KSR2: variants seen among roughly 807,000 people sequenced by gnomAD.
KSR2 encodes the protein kinase suppressor of ras 2.
KSR2 carries 25 observed loss-of-function variants against 107.8 expected under a neutral mutation model. The observed-to-expected ratio is 0.23, with a 90% CI of 0.17 to 0.32. The LOEUF (loss-of-function observed/expected upper bound fraction) is 0.32, where lower values mean the gene tolerates loss of function less well. Among genes scored for constraint, KSR2 ranks in the 10% least tolerant of loss-of-function variants. KSR2 has a pLI of 1.00. For missense variants in KSR2, 887 were observed against 1,268.9 expected (o/e 0.70, Z 4.57); for synonymous variants, 480 against 507.0 (o/e 0.95, Z 0.71).
chr12:117,540,493 A>T (rs1185551133), intron 9 of KSR2, among the ~76,000 whole-genome samples: 2 of 152,344 alleles, frequency 1.3e-5, no homozygotes, highest in African/African-American at 2.4e-5. Flanking sequence ...GGACCTCTGA[A>T]TCTGATCATA....
chr12:117,648,616 G>A (rs10774948), intron 5 of KSR2, among the ~76,000 whole-genome samples: 60,841 of 152,058 alleles, frequency 0.4, 15,029 homozygotes, highest in African/African-American at 0.7. Context: ...ATTTCCTACA[G>A]TCTTCACCAT....
At chr12:117,763,105 T>C (rs1410153421) in intron 3 of KSR2, among the ~76,000 whole-genome samples, 1 of 151,940 alleles carries the variant, frequency 6.6e-6, no homozygotes, top group African/African-American at 2.4e-5. Flanking sequence ...GTGTTCTCAT[T>C]GTTCAATTCC....
In KSR2 at chr12:117,912,344, G is replaced by A. The variant is rs138160793; in HGVS notation, c.181-51913C>T. Among the ~76,000 whole-genome samples the A allele has an allele frequency of 6.9e-3, 1,053 of 152,236 alleles. 10 individuals carry two copies. The highest frequency in any genetic ancestry group is 0.024 in the African/African-American group (979 of 41,542). Reference sequence around the variant, plus strand: ...TTGCCTTCCTTGCTAAAACAGAATTGTATGATTCAAATGATGGTATGTTAT... The same window carrying A: ...TTGCCTTCCTTGCTAAAACAGAATTATATGATTCAAATGATGGTATGTTAT... On this transcript the variant is annotated intron_variant, in intron 1 of 19. Transcript: ENST00000339824.
At chr12:117,832,402 C>T (rs1420691235) in intron 3 of KSR2, among the ~76,000 whole-genome samples, 1 of 152,228 alleles carries the variant, frequency 6.6e-6, no homozygotes, top group Non-Finnish European at 1.5e-5. Flanking sequence ...CTCTTCTTTG[C>T]TAATGGCTAC....
At chr12:117,537,833 G>C (rs1876157492) in intron 10 of KSR2, among the ~76,000 whole-genome samples, 1 of 152,180 alleles carries the variant, frequency 6.6e-6, no homozygotes, top group South Asian at 2.1e-4. Context: ...GGGAAGGAAG[G>C]AGCTAAGGGA....
intron 1 of KSR2, among the ~76,000 whole-genome samples, chr12:117,954,819 CA>C (rs1416696442): frequency 2.0e-5 from 3 of 152,182 alleles, no homozygotes; most frequent in Middle Eastern, 3.4e-3. Context: ...AGTTTGAGAC[CA>C]GCCTGGCTAA....
intron 1 of KSR2, among the ~76,000 whole-genome samples, chr12:117,951,460 C>T (rs544190221): frequency 3.9e-5 from 6 of 152,258 alleles, no homozygotes; most frequent in African/African-American, 1.2e-4. Context: ...TCCAAGCCAC[C>T]AATCCTGACC....
At chr12:117,588,173 T>C (rs528715890) in intron 5 of KSR2, among the ~76,000 whole-genome samples, 1 of 152,326 alleles carries the variant, frequency 6.6e-6, no homozygotes, top group Admixed American at 6.5e-5. Context: ...GTATTATTTT[T>C]CAGAAGCCAA....
chr12:117,559,045 T>A (rs1401123949), intron 7 of KSR2, among the ~76,000 whole-genome samples: 1 of 134,758 alleles, frequency 7.4e-6, no homozygotes, highest in Non-Finnish European at 1.5e-5. Context: ...GATGGAAGGA[T>A]GGATGGATGG....
intron 4 of KSR2, among the ~76,000 whole-genome samples, chr12:117,722,137 T>C (rs631821): frequency 0.2 from 29,916 of 152,140 alleles, 3,222 homozygotes; most frequent in East Asian, 0.27. Flanking sequence ...TTCTCCTAAG[T>C]AGCTGGGACT....
intron 1 of KSR2, among the ~76,000 whole-genome samples, chr12:117,904,559 T>C (rs1460363051): frequency 6.6e-6 from 1 of 152,182 alleles, no homozygotes; most frequent in Non-Finnish European, 1.5e-5. Flanking sequence ...TCACAGTCCC[T>C]TCCGAATATT....
Position 117,522,926 on chromosome 12 carries a change from G to A in KSR2, c.2219+1926C>T, listed in dbSNP as rs149112022. On this transcript the variant is annotated intron_variant, in intron 14 of 19. Transcript: ENST00000339824. ...TAGGATAGAGAGAAACCACTAAGTT[G>A]TGGAGTAGTACTCAGCAAAAGCTTA... is the stretch of plus-strand genomic sequence containing the variant. Among the ~76,000 whole-genome samples the A allele has an allele frequency of 3.5e-3, 527 of 152,308 alleles. 11 individuals are homozygous for A. The highest frequency in any genetic ancestry group is 0.023 in the Admixed American group (359 of 15,302).
chr12:117,726,860 A>G (rs1253574901), intron 4 of KSR2, among the ~76,000 whole-genome samples: 3 of 152,162 alleles, frequency 2.0e-5, no homozygotes, highest in Non-Finnish European at 2.9e-5. Context: ...AAACTTGTAC[A>G]AGAATGTTCT....
chr12:117,587,587 G>A (rs1880080165), intron 5 of KSR2, among the ~76,000 whole-genome samples: 1 of 152,166 alleles, frequency 6.6e-6, no homozygotes, highest in Admixed American at 6.5e-5. Context: ...CAGCCGCTGA[G>A]TTGGTGGCCG....
At position 117,507,678 on chromosome 12, in the gene KSR2, GT is replaced by G. The variant is rs1439168162; in HGVS notation, c.2219+17173del. Among the ~76,000 whole-genome samples the G allele has an allele frequency of 2.0e-5, 3 of 152,152 alleles. 1 individual carries two copies. The highest frequency in any genetic ancestry group is 2.9e-5 in the Non-Finnish European group (2 of 68,036). Reference sequence around the variant, plus strand: ...CTCTTATTCTGATTGGTTTTCTTGAGTGGGTTAAACCTACCCCCCTGCGATC... The same window carrying G: ...CTCTTATTCTGATTGGTTTTCTTGAGGGGTTAAACCTACCCCCCTGCGATC... On this transcript the variant is annotated intron_variant, in intron 14 of 19. Transcript: ENST00000339824.
chr12:117,904,976 G>C (rs555567974), intron 1 of KSR2, among the ~76,000 whole-genome samples: 1 of 152,206 alleles, frequency 6.6e-6, no homozygotes, highest in Non-Finnish European at 1.5e-5. Context: ...GAGGTCAGGA[G>C]TTCGAGACCA....
intron 3 of KSR2, among the ~76,000 whole-genome samples, chr12:117,853,972 C>T (rs1893010888): frequency 6.6e-6 from 1 of 152,078 alleles, no homozygotes; most frequent in African/African-American, 2.4e-5. Context: ...CATCCTTCAA[C>T]ACATAAGACA....
chr12:117,833,523 C>T (rs372482189), intron 3 of KSR2, among the ~76,000 whole-genome samples: 1 of 152,038 alleles, frequency 6.6e-6, no homozygotes, highest in African/African-American at 2.4e-5. Flanking sequence ...CGACCAAGCC[C>T]AGCTGATTTT....
At chr12:117,605,799 A>T (rs1014065415) in intron 5 of KSR2, among the ~76,000 whole-genome samples, 2 of 152,352 alleles carry the variant, frequency 1.3e-5, no homozygotes, top group East Asian at 3.9e-4. Context: ...AGCCATAAAA[A>T]GGAATGAGAT....
Sources: allele counts gnomAD v4.1 joint callset (sites outside exome capture counted in the v4.1 genomes callset), GRCh38; gene constraint gnomAD v4.1.1; transcripts MANE v1.5; gene names NCBI Gene and HGNC (gene_info 2026-07-23, HGNC 2026-07-21).